Variants in DMRT1 observed in about 807,000 individuals in gnomAD.
DMRT1 encodes the protein doublesex- and mab-3-related transcription factor 1.
A neutral mutation model predicts 32.3 loss-of-function variants in DMRT1; 7 were observed. The ratio of observed to expected loss-of-function variants is 0.22; its 90% CI spans 0.12 to 0.41. The LOEUF is 0.41. Among genes scored for constraint, DMRT1 ranks in the 10% least tolerant of loss-of-function variants. DMRT1 has a pLI of 1.00. For synonymous variants in DMRT1, 278 were observed against 206.1 expected, an observed-to-expected ratio of 1.35 and a Z score of -2.99; for missense variants, 625 against 500.5, an observed-to-expected ratio of 1.25 and a Z score of -2.37.
At chr9:850,850 G>A (rs7020914) in intron 2 of DMRT1, among the ~76,000 whole-genome samples, 35,589 of 151,652 alleles carry the variant, frequency 0.23, 4,230 homozygotes, top group Middle Eastern at 0.33. Flanking sequence ...CCAACATGGC[G>A]AAACCCCATC....
intron 1 of DMRT1, among the ~76,000 whole-genome samples, chr9:844,760 C>T (rs1432452891): frequency 1.4e-5 from 2 of 147,432 alleles, no homozygotes; most frequent in Non-Finnish European, 3.0e-5. Flanking sequence ...TCGCTCTGTC[C>T]CCCAGGCTGT....
chr9:850,639 T>G (rs1839104587), intron 2 of DMRT1, among the ~76,000 whole-genome samples: 1 of 152,214 alleles, frequency 6.6e-6, no homozygotes, highest in African/African-American at 2.4e-5. Context: ...TTTGCATAAT[T>G]AATATAGTGG....
intron 3 of DMRT1, among the ~76,000 whole-genome samples, chr9:899,883 T>C (rs1308094975): frequency 1.3e-5 from 2 of 152,218 alleles, no homozygotes; most frequent in African/African-American, 4.8e-5. Flanking sequence ...CCCCCAGATG[T>C]GTAGACTTAC....
intron 2 of DMRT1, among the ~76,000 whole-genome samples, chr9:850,174 C>A (rs1839085157): frequency 6.6e-6 from 1 of 152,196 alleles, no homozygotes; most frequent in Non-Finnish European, 1.5e-5. Context: ...CCACAGGTTG[C>A]TGTCATTCAT....
chr9:871,480 G>GCC lies in DMRT1; in HGVS notation c.539-22431_539-22430insCC, dbSNP rs1554747706. Reference sequence around the variant, plus strand: ...CCAGAGTAGCTGGGACTACAGGCATGCGCCACCACGCCCGGCTAATTTTTT... The same window carrying GCC: ...CCAGAGTAGCTGGGACTACAGGCATGCCCGCCACCACGCCCGGCTAATTTTTT... On this transcript the variant is annotated intron_variant, in intron 2 of 4. Transcript: ENST00000382276. Among the ~76,000 whole-genome samples the GCC allele has an allele frequency of 8.7e-3, 1,293 of 148,808 alleles. 17 individuals are homozygous for GCC. Among genetic ancestry groups the GCC allele is most frequent in the African/African-American group, 0.029 (1,146 of 40,136 alleles).
intron 2 of DMRT1, among the ~76,000 whole-genome samples, chr9:851,028 C>A (rs999823370): frequency 2.2e-3 from 207 of 94,738 alleles, no homozygotes; most frequent in Middle Eastern, 0.013. Context: ...GACTCTATCT[C>A]AAAAAAAAAA....
chr9:857,601 G>A (rs1444225440), intron 2 of DMRT1, among the ~76,000 whole-genome samples: 1 of 152,108 alleles, frequency 6.6e-6, no homozygotes, highest in Non-Finnish European at 1.5e-5. Context: ...AACTTGGCAG[G>A]AATAGTTTTA....
intron 3 of DMRT1, among the ~76,000 whole-genome samples, chr9:910,735 C>T (rs1434476936): frequency 6.6e-6 from 1 of 152,078 alleles, no homozygotes; most frequent in Admixed American, 6.6e-5. Flanking sequence ...CTCCACCAGC[C>T]AGCTCTTATC....
At chr9:889,357 C>T (rs1787759283) in intron 2 of DMRT1, among the ~76,000 whole-genome samples, 1 of 152,222 alleles carries the variant, frequency 6.6e-6, no homozygotes, top group African/African-American at 2.4e-5. Context: ...AGGCAGACAT[C>T]TGCTCTTCCA....
chr9:888,632 G>A (rs753323932), intron 2 of DMRT1, among the ~76,000 whole-genome samples: 8 of 152,120 alleles, frequency 5.3e-5, no homozygotes, highest in South Asian at 2.1e-4. Context: ...TAATAGTCAG[G>A]ACTGTCACAG....
At chr9:963,998 T>C (rs982526092) in intron 4 of DMRT1, among the ~76,000 whole-genome samples, 4 of 152,238 alleles carry the variant, frequency 2.6e-5, no homozygotes, top group African/African-American at 9.6e-5. Flanking sequence ...TTGTATTTTA[T>C]TTTAAAATGG....
intron 2 of DMRT1, among the ~76,000 whole-genome samples, chr9:872,039 G>A (rs189073220): frequency 1.3e-5 from 2 of 151,318 alleles, no homozygotes; most frequent in Admixed American, 1.3e-4. Context: ...AACTTACTGA[G>A]GTATAATTTA....
chr9:861,286 C>G (rs1211105591), intron 2 of DMRT1, among the ~76,000 whole-genome samples: 1 of 151,946 alleles, frequency 6.6e-6, no homozygotes, highest in African/African-American at 2.4e-5. Context: ...AGCATGCTGC[C>G]TTCAAGTATC....
intron 2 of DMRT1, among the ~76,000 whole-genome samples, chr9:871,482 G>GCCA (rs1816251426): frequency 6.8e-6 from 1 of 146,570 alleles, no homozygotes; most frequent in Non-Finnish European, 1.5e-5. Context: ...ACAGGCATGC[G>GCCA]CCACCACGCC....
At chr9:938,709 C>A (rs1160559415) in intron 4 of DMRT1, among the ~76,000 whole-genome samples, 3 of 152,122 alleles carry the variant, frequency 2.0e-5, no homozygotes, top group Non-Finnish European at 2.9e-5. Flanking sequence ...AATTGTACTT[C>A]TTTCTTTCCA....
At chr9:964,084 C>T (rs1053916316) in intron 4 of DMRT1, among the ~76,000 whole-genome samples, 3 of 152,194 alleles carry the variant, frequency 2.0e-5, no homozygotes, top group African/African-American at 4.8e-5. Context: ...CCTGTTTTCT[C>T]ACATCACTGG....
chr9:880,162 T>C (rs1816674356), intron 2 of DMRT1, among the ~76,000 whole-genome samples: 1 of 152,174 alleles, frequency 6.6e-6, no homozygotes, highest in African/African-American at 2.4e-5. Flanking sequence ...TCTTCCAGGA[T>C]ATGGTGTTCC....
chr9:949,055 T>C (rs1819343352), intron 4 of DMRT1, among the ~76,000 whole-genome samples: 1 of 151,980 alleles, frequency 6.6e-6, no homozygotes, highest in Non-Finnish European at 1.5e-5. Flanking sequence ...ATCGTGCCAC[T>C]GTACTCCAGC....
intron 2 of DMRT1, among the ~76,000 whole-genome samples, chr9:892,377 C>T (rs916598948): frequency 3.9e-5 from 6 of 152,072 alleles, no homozygotes; most frequent in Admixed American, 6.5e-5. Flanking sequence ...CCCAAAAGCA[C>T]GCGTTTCATG....
Sources: allele counts gnomAD v4.1 joint callset (sites outside exome capture counted in the v4.1 genomes callset), GRCh38; gene constraint gnomAD v4.1.1; transcripts MANE v1.5; gene names NCBI Gene and HGNC (gene_info 2026-07-23, HGNC 2026-07-21).